The following ADAMTSL1 variants were observed in gnomAD, a reference collection of about 807,000 sequenced individuals.
The protein encoded by ADAMTSL1 is ADAMTS like 1.
ADAMTSL1 carries 126 observed loss-of-function variants against 201.8 expected under a neutral mutation model. The observed-to-expected ratio is 0.62, with a 90% confidence interval of 0.54 to 0.72. The LOEUF (loss-of-function observed/expected upper bound fraction) is 0.72, where lower values mean the gene tolerates loss of function less well. ADAMTSL1 is among the 30% of genes least tolerant of loss of function. The probability of loss-of-function intolerance (pLI) is 0.00; values close to 1 mark genes in which losing one functional copy is unlikely to be tolerated. For synonymous variants in ADAMTSL1, 1,121 were observed against 903.4 expected (o/e 1.24, Z -4.32); for missense variants, 2,679 against 2,277.8 (o/e 1.18, Z -3.59).
chr9:18,081,393 C>G (rs1055489126), intron 1 of ADAMTSL1, among the ~76,000 whole-genome samples: 1 of 151,630 alleles, frequency 6.6e-6, no homozygotes, highest in African/African-American at 2.4e-5. Context: ...TTTTTTCTGC[C>G]TTATATTACT....
At chr9:18,262,489 G>C (rs1465794073) in intron 2 of ADAMTSL1, among the ~76,000 whole-genome samples, 1 of 152,182 alleles carries the variant, frequency 6.6e-6, no homozygotes, top group Admixed American at 6.5e-5. Flanking sequence ...TATCGTATAA[G>C]AGACATTCTT....
chr9:18,107,969 A>G (rs1028366153), intron 1 of ADAMTSL1, among the ~76,000 whole-genome samples: 1 of 152,084 alleles, frequency 6.6e-6, no homozygotes, highest in African/African-American at 2.4e-5. Flanking sequence ...ATAGAATAAA[A>G]TGACACCTGA....
intron 2 of ADAMTSL1, among the ~76,000 whole-genome samples, chr9:18,254,585 G>A (rs370098854): frequency 4.0e-4 from 60 of 151,502 alleles, no homozygotes; most frequent in African/African-American, 9.2e-4. Context: ...GGATGGTCTC[G>A]ATCTCCTGAC....
chr9:18,890,841 G>A (rs528028171), intron 25 of ADAMTSL1: 2 of 315,010 alleles, frequency 6.3e-6, no homozygotes, highest in South Asian at 5.4e-5. Context: ...CCCTTGCCAA[G>A]CTGTGCAAAA....
intron 5 of ADAMTSL1, among the ~76,000 whole-genome samples, chr9:18,629,448 A>C (rs1344530352): frequency 6.6e-6 from 1 of 152,174 alleles, no homozygotes; most frequent in Non-Finnish European, 1.5e-5. Flanking sequence ...AGAGTTAATA[A>C]CATGAAGGGA....
chr9:18,131,511 A>G (rs1456608242), intron 1 of ADAMTSL1, among the ~76,000 whole-genome samples: 1 of 152,150 alleles, frequency 6.6e-6, no homozygotes, highest in Non-Finnish European at 1.5e-5. Flanking sequence ...GCAAGGGTTA[A>G]TAGAAATCAA....
intron 16 of ADAMTSL1, among the ~76,000 whole-genome samples, chr9:18,755,842 G>A (rs1209009342): frequency 6.6e-6 from 1 of 151,914 alleles, no homozygotes; most frequent in African/African-American, 2.4e-5. Context: ...AAACTTAATA[G>A]TAAACAACTG....
intron 2 of ADAMTSL1, among the ~76,000 whole-genome samples, chr9:18,387,621 A>G (rs1210727263): frequency 3.3e-5 from 5 of 152,042 alleles, no homozygotes; most frequent in Non-Finnish European, 7.4e-5. Flanking sequence ...ATTTACACAC[A>G]TAGTTCTAGT....
chr9:18,185,256 A>G (rs1266993211), intron 2 of ADAMTSL1, among the ~76,000 whole-genome samples: 2 of 152,222 alleles, frequency 1.3e-5, no homozygotes, highest in Admixed American at 6.5e-5. Context: ...CCCTCATACT[A>G]GAAGATTTGC....
intron 4 of ADAMTSL1, among the ~76,000 whole-genome samples, chr9:18,612,217 C>A (rs1377894000): frequency 1.3e-5 from 2 of 152,162 alleles, no homozygotes; most frequent in African/African-American, 4.8e-5. Flanking sequence ...GGCAAGGTGA[C>A]AAGTGGAAAT....
intron 3 of ADAMTSL1, among the ~76,000 whole-genome samples, chr9:18,567,898 TAAC>T (rs1822027372): frequency 6.6e-6 from 1 of 152,240 alleles, no homozygotes; most frequent in African/African-American, 2.4e-5. Flanking sequence ...AGAATTTTTC[TAAC>T]AATATGCTGT....
chr9:18,240,217 C>G (rs901741413), intron 2 of ADAMTSL1, among the ~76,000 whole-genome samples: 8 of 152,148 alleles, frequency 5.3e-5, no homozygotes, highest in African/African-American at 1.9e-4. Context: ...ATCCTTAATC[C>G]GTGGGCTACA....
intron 2 of ADAMTSL1, among the ~76,000 whole-genome samples, chr9:18,312,593 C>T (rs2132800684): frequency 6.6e-6 from 1 of 152,284 alleles, no homozygotes; most frequent in South Asian, 2.1e-4. Flanking sequence ...AAGACGTTCC[C>T]ACTGGGTATT....
At chr9:18,174,713 A>T (rs1416574291) in intron 2 of ADAMTSL1, among the ~76,000 whole-genome samples, 1 of 152,172 alleles carries the variant, frequency 6.6e-6, no homozygotes, top group Non-Finnish European at 1.5e-5. Context: ...TAAAACACTA[A>T]CAAGACATTA....
At chr9:18,394,003 G>A (rs1339205899) in intron 2 of ADAMTSL1, among the ~76,000 whole-genome samples, 1 of 152,198 alleles carries the variant, frequency 6.6e-6, no homozygotes, top group African/African-American at 2.4e-5. Flanking sequence ...CCAGCTAAAA[G>A]CATTGCAGAT....
chr9:18,808,571 A>G (rs566193057), intron 20 of ADAMTSL1, among the ~76,000 whole-genome samples: 1 of 152,356 alleles, frequency 6.6e-6, no homozygotes, highest in African/African-American at 2.4e-5. Flanking sequence ...GCAGCTATAA[A>G]AAACCACCTT....
intron 2 of ADAMTSL1, among the ~76,000 whole-genome samples, chr9:18,223,356 G>A (rs1156613891): frequency 6.6e-6 from 1 of 151,968 alleles, no homozygotes; most frequent in East Asian, 1.9e-4. Flanking sequence ...AACAATTCTG[G>A]TTCCAAGAAT....
rs1425424835 is a variant in ADAMTSL1, at chr9:18,219,524, G to A, written c.207+55543G>A. Reference sequence around the variant, plus strand: ...GTTGGGATTACAAGGATGCACCACCGTGCCTGGCTAATTTTTGTATTTTTA... The same window carrying A: ...GTTGGGATTACAAGGATGCACCACCATGCCTGGCTAATTTTTGTATTTTTA... On this transcript the variant is annotated intron_variant, in intron 2 of 29. Transcript: ENST00000680146. 4.6e-5 allele frequency among the ~76,000 whole-genome samples: 7 copies of A among 151,718 alleles called. No homozygotes were observed. In the East Asian group the frequency reaches 7.7e-4, roughly 17 times the overall value.
chr9:18,379,773 C>CAA (rs1186644938), intron 2 of ADAMTSL1, among the ~76,000 whole-genome samples: 1 of 151,942 alleles, frequency 6.6e-6, no homozygotes, highest in Non-Finnish European at 1.5e-5. Context: ...TGTCATAGAA[C>CAA]AAAAAAGAAA....
Sources: gnomAD v4.1 joint callset for allele counts (sites outside exome capture counted in the v4.1 genomes callset) on GRCh38, gnomAD v4.1.1 for gene constraint, MANE v1.5 for transcripts, NCBI Gene and HGNC (gene_info 2026-07-23, HGNC 2026-07-21) for gene names.